The following PLPPR1 variants were observed in gnomAD, a reference collection of about 807,000 sequenced individuals.
The protein encoded by PLPPR1 is phospholipid phosphatase-related protein type 1.
In PLPPR1, 10 loss-of-function variants were observed where a neutral mutation model predicts 33.1. The ratio of observed to expected loss-of-function variants is 0.30; its 90% CI spans 0.19 to 0.51. The LOEUF is 0.51. PLPPR1 is among the 20% of genes least tolerant of loss of function. The probability of loss-of-function intolerance (pLI) is 0.97; values close to 1 mark genes in which losing one functional copy is unlikely to be tolerated. For synonymous variants in PLPPR1, 151 were observed against 151.0 expected (o/e 1.00, Z 0.00); for missense variants, 304 against 408.1 (o/e 0.74, Z 2.20).
At chr9:101,242,897 CT>C (rs1467370325) in intron 2 of PLPPR1, among the ~76,000 whole-genome samples, 1 of 152,060 alleles carries the variant, frequency 6.6e-6, no homozygotes, top group Admixed American at 6.6e-5. Flanking sequence ...AATTATTGTT[CT>C]CTGTCATGTG....
chr9:101,218,740 T>TTTAAAATGTAATGA (rs1164731859), intron 2 of PLPPR1, among the ~76,000 whole-genome samples: 2 of 152,196 alleles, frequency 1.3e-5, no homozygotes, highest in Non-Finnish European at 2.9e-5. Context: ...ACAGCTGTCT[T>TTTAAAATGTAATGA]TTAAAATGTA....
intron 1 of PLPPR1, among the ~76,000 whole-genome samples, chr9:101,090,234 G>A (rs753283843): frequency 2.0e-5 from 3 of 152,054 alleles, no homozygotes; most frequent in South Asian, 2.1e-4. Context: ...CAAAGACCCC[G>A]TTTCCAAACA....
intron 2 of PLPPR1, among the ~76,000 whole-genome samples, chr9:101,212,535 TTTATC>T (rs1826709890): frequency 1.3e-5 from 2 of 152,226 alleles, no homozygotes; most frequent in Admixed American, 6.5e-5. Context: ...ATTTGCATAT[TTTATC>T]TTATGGTAAA....
intron 1 of PLPPR1, among the ~76,000 whole-genome samples, chr9:101,168,386 T>C (rs1825891428): frequency 1.3e-5 from 2 of 152,158 alleles, no homozygotes; most frequent in Non-Finnish European, 2.9e-5. Context: ...ATATGGGATG[T>C]TCTGTTCCAT....
chr9:101,135,539 A>T (rs536291128), intron 1 of PLPPR1, among the ~76,000 whole-genome samples: 1 of 152,284 alleles, frequency 6.6e-6, no homozygotes, highest in Non-Finnish European at 1.5e-5. Context: ...CCTCAAGATC[A>T]ATGACACATT....
intron 2 of PLPPR1, among the ~76,000 whole-genome samples, chr9:101,233,782 A>C (rs998218187): frequency 1.1e-4 from 17 of 151,934 alleles, no homozygotes; most frequent in Admixed American, 3.3e-4. Flanking sequence ...AAAATTATCT[A>C]AGACAGAAGT....
intron 2 of PLPPR1, among the ~76,000 whole-genome samples, chr9:101,205,523 CGTT>C (rs992771965): frequency 1.2e-4 from 18 of 152,176 alleles, no homozygotes; most frequent in Admixed American, 6.5e-4. Context: ...ATCTGAAAGT[CGTT>C]GTTATTTGGG....
intron 4 of PLPPR1, 92 bp downstream of exon 4, chr9:101,286,328 C>T: frequency 1.6e-6 from 2 of 1,245,180 alleles, no homozygotes; most frequent in Admixed American, 2.3e-5. Context: ...GAAGTATCAA[C>T]ATTAAAAGCA....
At chr9:101,156,417 G>A (rs1372817693) in intron 1 of PLPPR1, among the ~76,000 whole-genome samples, 1 of 151,896 alleles carries the variant, frequency 6.6e-6, no homozygotes, top group African/African-American at 2.4e-5. Flanking sequence ...AGGTATGGTG[G>A]TGTCTGCCTG....
intron 1 of PLPPR1, among the ~76,000 whole-genome samples, chr9:101,087,803 G>A (rs1830696623): frequency 6.6e-6 from 1 of 152,190 alleles, no homozygotes; most frequent in Admixed American, 6.5e-5. Context: ...TTCTAGAAGT[G>A]AGAGTGACTA....
intron 1 of PLPPR1, among the ~76,000 whole-genome samples, chr9:101,110,517 T>C (rs1831043006): frequency 6.6e-6 from 1 of 152,192 alleles, no homozygotes; most frequent in South Asian, 2.1e-4. Context: ...TTGTTTTTAA[T>C]AGCAAAAATT....
At chr9:101,319,479 G>A (rs1829114805) in intron 7 of PLPPR1, among the ~76,000 whole-genome samples, 1 of 152,110 alleles carries the variant, frequency 6.6e-6, no homozygotes, top group South Asian at 2.1e-4. Context: ...GGGGGGGTTG[G>A]AACAAGAAAT....
intron 2 of PLPPR1, among the ~76,000 whole-genome samples, chr9:101,230,293 C>T (rs183399081): frequency 3.3e-5 from 5 of 152,170 alleles, no homozygotes; most frequent in African/African-American, 7.2e-5. Flanking sequence ...TTCCACTGAA[C>T]AAGGATGAAT....
chr9:101,067,516 T>C (rs1158410098), intron 1 of PLPPR1, among the ~76,000 whole-genome samples: 1 of 152,050 alleles, frequency 6.6e-6, no homozygotes, highest in East Asian at 1.9e-4. Flanking sequence ...TAAGAGGGTA[T>C]GCATGAGTGA....
In PLPPR1 at chr9:101,038,067, C is replaced by T. The variant is rs533639953; in HGVS notation, c.-46+8965C>T. On this transcript the variant is annotated intron_variant, in intron 1 of 7. Transcript: ENST00000374874. Reference sequence around the variant, plus strand: ...CTGCTCTAACCTCTTTCCCAGAAAACGACTATCAGTTGTTTGGTGTATATT... The same window carrying T: ...CTGCTCTAACCTCTTTCCCAGAAAATGACTATCAGTTGTTTGGTGTATATT... 2.3e-4 allele frequency among the ~76,000 whole-genome samples: 35 copies of T among 152,062 alleles called. 1 individual carries two copies. In the South Asian group the frequency reaches 3.1e-3, roughly 14 times the overall value.
At chr9:101,093,793 A>G (rs902812767) in intron 1 of PLPPR1, among the ~76,000 whole-genome samples, 2 of 152,180 alleles carry the variant, frequency 1.3e-5, no homozygotes, top group Admixed American at 1.3e-4. Flanking sequence ...CCCAGAATGC[A>G]TGATGACCAG....
chr9:101,093,107 A>G (rs74417126), intron 1 of PLPPR1, among the ~76,000 whole-genome samples: 8,115 of 152,230 alleles, frequency 0.053, 382 homozygotes, highest in African/African-American at 0.12. Context: ...TACTCTCACT[A>G]CTTTCTAAGG....
At chr9:101,183,699 GT>G (rs1826157007) in intron 1 of PLPPR1, among the ~76,000 whole-genome samples, 1 of 2,980 alleles carries the variant, frequency 3.4e-4, no homozygotes, top group Admixed American at 8.3e-3. Flanking sequence ...CTTTGTGTGT[GT>G]GTGTGTGTGT....
chr9:101,196,899 G>A (rs1360334907), intron 2 of PLPPR1, among the ~76,000 whole-genome samples: 1 of 152,074 alleles, frequency 6.6e-6, no homozygotes, highest in African/African-American at 2.4e-5. Flanking sequence ...ATTTAGCCTC[G>A]TGAGGAAATA....
Sources: gnomAD v4.1 joint callset for allele counts (sites outside exome capture counted in the v4.1 genomes callset) on GRCh38, gnomAD v4.1.1 for gene constraint, MANE v1.5 for transcripts, NCBI Gene and HGNC (gene_info 2026-07-23, HGNC 2026-07-21) for gene names.